The following PCDHGB6 variants were observed in gnomAD, a reference collection of about 807,000 sequenced individuals.
PCDHGB6 encodes the protein protocadherin gamma-B6.
Under a neutral mutation model 59.1 loss-of-function variants are expected in PCDHGB6, and 51 were observed. The observed-to-expected ratio is 0.86, with a 90% CI of 0.69 to 1.09. The LOEUF is 1.09. Ranked by LOEUF, PCDHGB6 falls within the 50% of genes least tolerant of loss-of-function variation. PCDHGB6 has a pLI of 0.00. For missense variants in PCDHGB6, 1,148 were observed against 1,205.1 expected (o/e 0.95, Z 0.70); for synonymous variants, 466 against 495.1 (o/e 0.94, Z 0.78).
In PCDHGB6 at chr5:141,423,272, T is replaced by C. The variant is rs372798900; in HGVS notation, c.2418+12652T>C. On this transcript the variant is annotated intron_variant, in intron 1 of 3. Coordinates refer to ENST00000520790, the MANE Select transcript of PCDHGB6 (RefSeq NM_018926.3). ...GCGGACCTCGGCAGCCTCGAGTCTC[T>C]GGCTAACTCTGAAACCTCAGACCTC... 36 of 1,613,586 alleles carry C rather than the reference T, an allele frequency of 2.2e-5. No individual in the cohort carries two copies. In the African/African-American group the frequency reaches 4.4e-4, roughly 20 times the overall value.
At chr5:141,506,444 C>CAAA (rs1219684339) in intron 3 of PCDHGB6, among the ~76,000 whole-genome samples, 2 of 95,018 alleles carry the variant, frequency 2.1e-5, no homozygotes, top group African/African-American at 7.9e-5. Context: ...CGCTCTGTCT[C>CAAA]AAAAAAAAAA....
chr5:141,489,253 A>T lies in PCDHGB6; in HGVS notation c.2419-5554A>T. 1 of 1,547,506 alleles carries T rather than the reference A, an allele frequency of 6.5e-7. No individual in the cohort carries two copies. The highest frequency in any genetic ancestry group is 2.3e-5 in the East Asian group (1 of 44,418). ...GGACTTCTGGGTCATGGGGCCCAAG[A>T]CACTCCCACAGCTCGCTGGGAAATG... On this transcript the variant is annotated intron_variant, in intron 1 of 3. Coordinates refer to ENST00000520790, the MANE Select transcript of PCDHGB6 (RefSeq NM_018926.3). This position sits in a 1 kb window ranked among gnomAD's most constrained non-coding sequence, Gnocchi z 4.5.
At chr5:141,462,217 C>T (rs1469685983) in intron 1 of PCDHGB6, among the ~76,000 whole-genome samples, 1 of 152,216 alleles carries the variant, frequency 6.6e-6, no homozygotes, top group South Asian at 2.1e-4. Flanking sequence ...GCCTCGGCCT[C>T]CCAAAGTGCA....
intron 1 of PCDHGB6, among the ~76,000 whole-genome samples, chr5:141,448,948 A>C (rs918513864): frequency 6.6e-6 from 1 of 152,170 alleles, no homozygotes; most frequent in African/African-American, 2.4e-5. Flanking sequence ...GCAACTCAAA[A>C]AAACAAACAA....
In PCDHGB6 at chr5:141,486,531, C is replaced by T; in HGVS notation, c.2419-8276C>T. The T allele has an allele frequency of 6.2e-7, 1 of 1,614,062 alleles. No homozygotes were observed. Among genetic ancestry groups the T allele is most frequent in the Non-Finnish European group, 8.5e-7 (1 of 1,180,020 alleles). Reference sequence around the variant, plus strand: ...ATTTCAGATGTGAATGATAATCCACCCTCTTTCTTTCAGAGGTCACATGAG... The same window carrying T: ...ATTTCAGATGTGAATGATAATCCACTCTCTTTCTTTCAGAGGTCACATGAG... On this transcript the variant is annotated intron_variant, in intron 1 of 3. Transcript: ENST00000520790. This position sits in a 1 kb window ranked among gnomAD's most constrained non-coding sequence, Gnocchi z 5.0.
intron 1 of PCDHGB6, among the ~76,000 whole-genome samples, chr5:141,469,642 A>G (rs1339074059): frequency 2.0e-5 from 3 of 152,244 alleles, no homozygotes; most frequent in Admixed American, 6.5e-5. Flanking sequence ...AAATATTTTG[A>G]TGACATAATT....
intron 1 of PCDHGB6, among the ~76,000 whole-genome samples, chr5:141,465,576 C>T (rs1002696285): frequency 6.6e-6 from 1 of 152,136 alleles, no homozygotes; most frequent in Non-Finnish European, 1.5e-5. Context: ...TCTCAAAACA[C>T]TCTCATAATA....
At chr5:141,455,920 C>T (rs941360102) in intron 1 of PCDHGB6, among the ~76,000 whole-genome samples, 1 of 147,944 alleles carries the variant, frequency 6.8e-6, no homozygotes, top group Non-Finnish European at 1.5e-5. Context: ...TATTTTGAGA[C>T]GGAGTCTCGC....
Position 141,409,736 on chromosome 5 carries a change from G to C in PCDHGB6, c.1534G>C (p.Gly512Arg), listed in dbSNP as rs1053484390. Residue 512 changes from glycine to arginine, a missense_variant, in exon 1 of 4, where the codon GGG becomes CGG. Coordinates refer to ENST00000520790, the MANE Select transcript of PCDHGB6 (RefSeq NM_018926.3). ...ATACGTGTCAGTGAGCGCGCAGAGC[G>C]GGGTGGTGTTCGCGCAGCGCGCCTT... ...SSYVSVSAQS[G>R]VVFAQRAFDH... The C allele has an allele frequency of 5.6e-6, 9 of 1,612,992 alleles. No homozygotes were observed. The highest frequency in any genetic ancestry group is 2.2e-5 in the South Asian group (2 of 91,070).
Position 141,487,506 on chromosome 5 carries a change from C to T in PCDHGB6, c.2419-7301C>T. 1 of 1,614,220 alleles carries T rather than the reference C, an allele frequency of 6.2e-7. No homozygotes were observed. The highest frequency in any genetic ancestry group is 8.5e-7 in the Non-Finnish European group (1 of 1,180,046). On this transcript the variant is annotated intron_variant, in intron 1 of 3. Coordinates refer to ENST00000520790, the MANE Select transcript of PCDHGB6 (RefSeq NM_018926.3). The surrounding 1 kb of genome is among the most constrained non-coding windows in gnomAD (Gnocchi z 5.0). ...CATGGCTGTACACCCTTGGCTTCTG[C>T]ACCCACTCGGAGTGATAGCTTCATG...
At position 141,408,509 on chromosome 5, in the gene PCDHGB6, G is replaced by T; in HGVS notation, c.307G>T (p.Glu103Ter). The T allele has an allele frequency of 6.2e-7, 1 of 1,614,048 alleles. No individual in the cohort carries two copies. Among genetic ancestry groups the T allele is most frequent in the Non-Finnish European group, 8.5e-7 (1 of 1,179,898 alleles). The change falls in exon 1 of 4, where the codon GAG becomes TAG. Residue 103 changes from glutamate (E) to a stop codon, truncating the protein, a stop_gained. Transcript: ENST00000520790. LOFTEE classifies it high-confidence loss of function. ...AATATGCAAAGAGAGAAGAAGATGT[G>T]AGTTGCAATTGGAAGCTGTGGTGGA... ...EQICKERRRC[E>*]LQLEAVVENP...
chr5:141,410,177 A>G lies in PCDHGB6; in HGVS notation c.1975A>G (p.Thr659Ala). 6.2e-7 allele frequency: 1 copy of G among 1,613,626 alleles called. No homozygotes were observed. Among genetic ancestry groups the G allele is most frequent in the Non-Finnish European group, 8.5e-7 (1 of 1,179,734 alleles). ...GGQPPLSATATLHLVFADNLQ... is the reference protein window; with the variant it reads ...GGQPPLSATAALHLVFADNLQ... ...ACAGCCGCCACTCTCTGCCACCGCC[A>G]CGCTTCATCTGGTCTTCGCAGACAA... Residue 659 changes from threonine (T) to alanine (A), a missense_variant, in exon 1 of 4, where the codon ACG (threonine) becomes GCG (alanine). Physicochemically the swap from Thr to Ala is moderately conservative, Grantham distance 58 (BLOSUM62 0). Coordinates refer to ENST00000520790, the MANE Select transcript of PCDHGB6 (RefSeq NM_018926.3).
chr5:141,436,856 G>A (rs942357563), intron 1 of PCDHGB6, among the ~76,000 whole-genome samples: 2 of 152,246 alleles, frequency 1.3e-5, no homozygotes, highest in Admixed American at 1.3e-4. Context: ...TGATTGAGAA[G>A]CCACAGTTTT....
chr5:141,474,847 GCCTTCT>G (rs906863967), intron 1 of PCDHGB6, among the ~76,000 whole-genome samples: 3 of 152,198 alleles, frequency 2.0e-5, no homozygotes, highest in African/African-American at 7.2e-5. Context: ...CACTTTACCT[GCCTTCT>G]TCATTTAATA....
At position 141,410,335 on chromosome 5, in the gene PCDHGB6, T is replaced by C. The variant is rs2095381391; in HGVS notation, c.2133T>C (p.Ile711=). ...TCCTCCTCGCCGTGATTCTGGCCATTGCCTTGCGCCTGCGACGCTCTCTCA... is the reference window on the plus strand; with the variant it reads ...TCCTCCTCGCCGTGATTCTGGCCATCGCCTTGCGCCTGCGACGCTCTCTCA... ...VLFLLAVILA[I]ALRLRRSLSP... Residue 711 remains isoleucine (I), a synonymous_variant, in exon 1 of 4, where the codon ATT becomes ATC. Transcript: ENST00000520790. The C allele has an allele frequency of 6.2e-7, 1 of 1,613,894 alleles. No individual in the cohort carries two copies. Among genetic ancestry groups the C allele is most frequent in the African/African-American group, 1.3e-5 (1 of 74,926 alleles).
chr5:141,455,162 T>G (rs1002208156), intron 1 of PCDHGB6, among the ~76,000 whole-genome samples: 5 of 150,972 alleles, frequency 3.3e-5, no homozygotes, highest in African/African-American at 7.3e-5. Context: ...GTTTGTTGGT[T>G]TTTTTTTTAG....
chr5:141,470,479 C>T (rs2099231547), intron 1 of PCDHGB6, among the ~76,000 whole-genome samples: 1 of 152,078 alleles, frequency 6.6e-6, no homozygotes, highest in African/African-American at 2.4e-5. Flanking sequence ...ATTACTAACC[C>T]TCTGGGAATA....
Position 141,409,180 on chromosome 5 carries a change from T to C in PCDHGB6, c.978T>C (p.Gly326=), listed in dbSNP as rs2095236494. ...TMEVEAKDGG[G]LSTQCKVIIE... Reference sequence around the variant, plus strand: ...AAGTGGAAGCGAAGGACGGAGGTGGTCTCTCTACCCAGTGTAAAGTAATCA... The same window carrying C: ...AAGTGGAAGCGAAGGACGGAGGTGGCCTCTCTACCCAGTGTAAAGTAATCA... The change falls in exon 1 of 4, where the codon GGT becomes GGC. Residue 326 remains glycine (G), a synonymous_variant. Transcript: ENST00000520790. 1 of 1,613,848 alleles carries C rather than the reference T, an allele frequency of 6.2e-7. No individual in the cohort carries two copies. Among genetic ancestry groups the C allele is most frequent in the Non-Finnish European group, 8.5e-7 (1 of 1,179,900 alleles).
At chr5:141,501,238 G>A (rs1482962385) in intron 2 of PCDHGB6, among the ~76,000 whole-genome samples, 2 of 151,018 alleles carry the variant, frequency 1.3e-5, no homozygotes, top group African/African-American at 4.9e-5. Flanking sequence ...AGTTTTTTGA[G>A]CATGATGTAG....
Sources: allele counts gnomAD v4.1 joint callset (sites outside exome capture counted in the v4.1 genomes callset), GRCh38; gene constraint gnomAD v4.1.1; non-coding constraint Gnocchi (gnomAD v3.1); transcripts MANE v1.5; gene names NCBI Gene and HGNC (gene_info 2026-07-23, HGNC 2026-07-21).